The following CFAP47 variants were observed in gnomAD, a reference collection of about 807,000 sequenced individuals.
CFAP47 encodes the protein cilia- and flagella-associated protein 47.
In CFAP47, 29 loss-of-function variants were observed where a neutral mutation model predicts 148.1. The observed-to-expected ratio is 0.20, with a 90% CI of 0.15 to 0.27. The LOEUF is 0.27. CFAP47 is among the 10% of genes least tolerant of loss of function. The pLI, the probability that CFAP47 is intolerant of heterozygous loss-of-function variation, is 1.00. For synonymous variants in CFAP47, 664 were observed against 577.3 expected (o/e 1.15, Z -2.15); for missense variants, 1,872 against 1,697.5 (o/e 1.10, Z -1.81).
chrX:35,951,141 C>A lies in CFAP47; in HGVS notation c.667C>A (p.Gln223Lys). 8.3e-7 allele frequency: 1 copy of A among 1,205,407 alleles called. No homozygotes were observed. The highest frequency in any genetic ancestry group is 1.1e-6 in the Non-Finnish European group (1 of 890,183). Residue 223 changes from glutamine (Q) to lysine (K), a missense_variant, in exon 5 of 64, where the codon CAA becomes AAA. By Grantham distance (53) the Gln-to-Lys change is moderately conservative (BLOSUM62 1). Coordinates refer to ENST00000378653, the MANE Select transcript of CFAP47 (RefSeq NM_001304548.2). ...IVDEEAIVILQGQPEMLLSIK... is the reference protein window; with the variant it reads ...IVDEEAIVILKGQPEMLLSIK... ...CTTATTATCCTGTAGAGTGATTTTG[C>A]AAGGTCAACCTGAGATGCTCTTGAG...
intron 8 of CFAP47, among the ~76,000 whole-genome samples, chrX:35,960,517 C>T (rs2146652855): frequency 9.2e-6 from 1 of 108,366 alleles, no homozygotes; most frequent in African/African-American, 3.4e-5. Flanking sequence ...TATGCCTTTA[C>T]ACTTATTTAT....
rs1268923905 is a variant in CFAP47, at chrX:36,368,330, GAGGTAGATTAGTT to G, written c.9185+1206_9185+1218del. Reference sequence around the variant, plus strand: ...AATGCAAAAATGGTAAGAGTGAATGGAGGTAGATTAGTTAGTTGGCTAATGCTGTTGTCTGAAG... The same window carrying G: ...AATGCAAAAATGGTAAGAGTGAATGGAGTTGGCTAATGCTGTTGTCTGAAG... On this transcript the variant is annotated intron_variant, in intron 62 of 63. Coordinates refer to ENST00000378653, the MANE Select transcript of CFAP47 (RefSeq NM_001304548.2). 1.8e-4 allele frequency among the ~76,000 whole-genome samples: 20 copies of G among 111,823 alleles called. 1 individual carries two copies. Among genetic ancestry groups the G allele is most frequent in the Admixed American group, 1.2e-3 (13 of 10,460 alleles).
intron 49 of CFAP47, among the ~76,000 whole-genome samples, chrX:36,261,985 C>T (rs974271232): frequency 9.1e-6 from 1 of 110,058 alleles, no homozygotes; most frequent in Non-Finnish European, 1.9e-5. Context: ...GACGGGGTGG[C>T]TGGCCGGGCG....
In CFAP47 at chrX:36,263,069, T is replaced by A. The variant is rs191280177; in HGVS notation, c.7444+11625T>A. Among the ~76,000 whole-genome samples, 178 of 112,399 alleles carry A rather than the reference T, an allele frequency of 1.6e-3. 1 individual carries two copies. The highest frequency in any genetic ancestry group is 5.5e-3 in the African/African-American group (171 of 30,949). ...TCCCATTTTTATCAGATTATTAGTT[T>A]TTTATAGAGTTGTTTGAGCTCCTTA... On this transcript the variant is annotated intron_variant, in intron 49 of 63. Coordinates refer to ENST00000378653, the MANE Select transcript of CFAP47 (RefSeq NM_001304548.2).
intron 33 of CFAP47, among the ~76,000 whole-genome samples, chrX:36,112,476 T>G (rs1938571722): frequency 8.9e-6 from 1 of 111,828 alleles, no homozygotes; most frequent in Non-Finnish European, 1.9e-5. Context: ...GTGGTTGTTA[T>G]GATTTCAGCT....
intron 39 of CFAP47, among the ~76,000 whole-genome samples, chrX:36,161,364 G>T (rs1374493965): frequency 1.8e-5 from 2 of 111,153 alleles, no homozygotes; most frequent in African/African-American, 6.5e-5. Flanking sequence ...ATAATTAATA[G>T]ATTTTTTACT....
At chrX:36,375,985 G>T (rs1249663338) in intron 62 of CFAP47, among the ~76,000 whole-genome samples, 1 of 112,213 alleles carries the variant, frequency 8.9e-6, no homozygotes, top group Non-Finnish European at 1.9e-5. Context: ...TCTGGGTCAA[G>T]AAGCAAGAGG....
chrX:36,060,833 A>G (rs1180723258), intron 26 of CFAP47, among the ~76,000 whole-genome samples: 1 of 112,025 alleles, frequency 8.9e-6, no homozygotes, highest in Non-Finnish European at 1.9e-5. Flanking sequence ...TGCAATGCCC[A>G]GAAGAGCAGC....
chrX:36,349,145 A>C (rs1481956684), intron 58 of CFAP47, among the ~76,000 whole-genome samples: 2 of 112,226 alleles, frequency 1.8e-5, no homozygotes, highest in African/African-American at 6.5e-5. Context: ...AGGCCTTCTA[A>C]GGATGGGATC....
rs1177203051 is a variant in CFAP47 at position 35,919,860 on chromosome X, A to C, written c.61A>C (p.Ile21Leu). ...CCACAGAGGTTCCCTCGCCATGAGC[A>C]TCCAAAGGGGTTCCCTCGTCCCCCG... ...NVHRGSLAMS[I>L]QRGSLVPRDM... Residue 21 changes from isoleucine (I) to leucine (L), a missense_variant, in exon 1 of 64, where the codon ATC (isoleucine) becomes CTC (leucine). Physicochemically the swap from Ile to Leu is conservative, Grantham distance 5. Coordinates refer to ENST00000378653, the MANE Select transcript of CFAP47 (RefSeq NM_001304548.2). 3.3e-6 allele frequency: 4 copies of C among 1,210,238 alleles called. No homozygotes were observed. The highest frequency in any genetic ancestry group is 4.5e-6 in the Non-Finnish European group (4 of 894,804).
At chrX:35,988,274 G>A (rs1011516314) in intron 15 of CFAP47, among the ~76,000 whole-genome samples, 8 of 111,128 alleles carry the variant, frequency 7.2e-5, no homozygotes, top group Non-Finnish European at 1.3e-4. Flanking sequence ...CTAATCCACT[G>A]AAGCAGGACT....
chrX:35,955,200 A>G (rs937064993), intron 7 of CFAP47, among the ~76,000 whole-genome samples: 1 of 111,733 alleles, frequency 8.9e-6, no homozygotes, highest in African/African-American at 3.2e-5. Flanking sequence ...CATGTCCCAA[A>G]CAGAACTCCT....
In CFAP47 at chrX:36,252,585, T is replaced by G. The variant is rs1940705511; in HGVS notation, c.7444+1141T>G. On this transcript the variant is annotated intron_variant, in intron 49 of 63. Transcript: ENST00000378653. ...ACCCCATTAATAAGTCCTCATTTGA[T>G]AGGTAGGTTTGAGCTATAATGTCTC... Among the ~76,000 whole-genome samples, 3 of 111,365 alleles carry G rather than the reference T, an allele frequency of 2.7e-5. No individual in the cohort carries two copies. In the Admixed American group the frequency reaches 2.9e-4, roughly 11 times the overall value.
rs1278207635 is a variant in CFAP47 at position 36,039,035 on chromosome X, C to T, written c.3863C>T (p.Pro1288Leu). 2 of 1,133,513 alleles carry T rather than the reference C, an allele frequency of 1.8e-6. No homozygotes were observed. The highest frequency in any genetic ancestry group is 5.4e-5 in the Admixed American group (2 of 36,921). 93.4% of individuals were successfully genotyped at this position (1,133,513 alleles called of 1,213,427 possible). The change falls in exon 25 of 64, where the codon CCA becomes CTA. Residue 1288 changes from proline to leucine, a missense_variant. By Grantham distance (98) the Pro-to-Leu change is moderately conservative. Coordinates refer to ENST00000378653, the MANE Select transcript of CFAP47 (RefSeq NM_001304548.2). Reference sequence around the variant, plus strand: ...ATTCCTATGCTTTTAAATTATATTCCAGTTTGCTATAAAATATTACATCTT... The same window carrying T: ...ATTCCTATGCTTTTAAATTATATTCTAGTTTGCTATAAAATATTACATCTT... ...ADIPMLLNYI[P>L]VCYKILHLTG...
intron 48 of CFAP47, among the ~76,000 whole-genome samples, chrX:36,244,597 T>C (rs1940592138): frequency 8.9e-6 from 1 of 111,770 alleles, no homozygotes; most frequent in Admixed American, 9.5e-5. Context: ...GAGACTATTA[T>C]CATCAACTCT....
In CFAP47 at chrX:36,371,886, G is replaced by A. The variant is rs868937774; in HGVS notation, c.9185+4759G>A. Among the ~76,000 whole-genome samples the A allele has an allele frequency of 3.7e-5, 2 of 54,622 alleles. 1 individual carries two copies. Among genetic ancestry groups the A allele is most frequent in the African/African-American group, 5.2e-4 (2 of 3,877 alleles). 47.4% of individuals were successfully genotyped at this position (54,622 alleles called of 115,157 possible). On this transcript the variant is annotated intron_variant, in intron 62 of 63. Coordinates refer to ENST00000378653, the MANE Select transcript of CFAP47 (RefSeq NM_001304548.2). ...TATACACACATGTGTATATATGTGT[G>A]CATATACACACATGTGTATATATGT...
Position 36,209,173 on chromosome X carries a change from A to C in CFAP47, c.6817+4063A>C, listed in dbSNP as rs989673656. 9.8e-5 allele frequency among the ~76,000 whole-genome samples: 11 copies of C among 111,810 alleles called. No homozygotes were observed. The Admixed American group carries it at 1.0e-3, about 11-fold the overall frequency. On this transcript the variant is annotated intron_variant, in intron 45 of 63. Coordinates refer to ENST00000378653, the MANE Select transcript of CFAP47 (RefSeq NM_001304548.2). ...AATTGGAACAAATCTATTATACTTTATTGTTAGCATTGCCAAAACTTACCT... is the reference window on the plus strand; with the variant it reads ...AATTGGAACAAATCTATTATACTTTCTTGTTAGCATTGCCAAAACTTACCT...
intron 45 of CFAP47, among the ~76,000 whole-genome samples, chrX:36,214,877 T>G (rs1225390154): frequency 3.6e-5 from 4 of 111,718 alleles, no homozygotes; most frequent in Non-Finnish European, 5.6e-5. Flanking sequence ...TTACAGTTAA[T>G]TTTTAGCAGG....
chrX:35,942,857 T>C (rs1317032078), intron 3 of CFAP47, among the ~76,000 whole-genome samples: 1 of 111,867 alleles, frequency 8.9e-6, no homozygotes, highest in Non-Finnish European at 1.9e-5. Flanking sequence ...TTAGGAAAAA[T>C]ACTGCGCATT....
Sources: allele counts gnomAD v4.1 joint callset (sites outside exome capture counted in the v4.1 genomes callset), GRCh38; gene constraint gnomAD v4.1.1; transcripts MANE v1.5; gene names NCBI Gene and HGNC (gene_info 2026-07-23, HGNC 2026-07-21).